The following HTR1A variants were observed in gnomAD, a reference collection of about 807,000 sequenced individuals.
HTR1A encodes 5-hydroxytryptamine receptor 1A, also known as 5-HT1a receptor.
Under a neutral mutation model 24.6 loss-of-function variants are expected in HTR1A, and 17 were observed. The observed-to-expected ratio is 0.69, with a 90% CI of 0.47 to 1.04. The LOEUF (loss-of-function observed/expected upper bound fraction) is 1.04. Among genes scored for constraint, HTR1A ranks in the 50% least tolerant of loss-of-function variants. HTR1A has a pLI of 0.00. For missense variants in HTR1A, 515 were observed against 565.1 expected (o/e 0.91, Z 0.90); for synonymous variants, 262 against 244.6 (o/e 1.07, Z -0.67).
At position 63,962,186 on chromosome 5, in the gene HTR1A, C is replaced by T. The variant is rs1262550263; in HGVS notation, c.-467G>A. 4.4e-6 allele frequency: 1 copy of T among 229,724 alleles called. No homozygotes were observed. Among genetic ancestry groups the T allele is most frequent in the Non-Finnish European group, 8.7e-6 (1 of 114,388 alleles). 14.2% of individuals were successfully genotyped at this position (229,724 alleles called of 1,614,324 possible). On this transcript the variant is annotated 5_prime_UTR_variant, in exon 1 of 1. Transcript: ENST00000323865. ...TTTCCTTCCTTCCCTCTCTCCCCCT[C>T]TCTCCTCCTCTCTTCTCTCTCTTCT...
rs745757475 is a variant in HTR1A, at chr5:63,960,804, G to A, written c.916C>T (p.Pro306Ser). The A allele has an allele frequency of 7.4e-6, 12 of 1,614,008 alleles. No individual in the cohort carries two copies. Among genetic ancestry groups the A allele is most frequent in the Non-Finnish European group, 1.0e-5 (12 of 1,179,986 alleles). The change falls in exon 1 of 1, where the codon CCT (proline) becomes TCT (serine). Residue 306 changes from proline to serine, a missense_variant. Pro to Ser is a moderately conservative substitution (Grantham distance 74, BLOSUM62 -1). Coordinates refer to ENST00000323865, the MANE Select transcript of HTR1A (RefSeq NM_000524.4). ...GTAGGACCAGCCTCGCTGGGCAGAG[G>A]CAAGTGCTCTTTGGAGTTGCCCACT... ...HRVGNSKEHL[P>S]LPSEAGPTPC...
Position 63,960,594 on chromosome 5 carries a change from G to A in HTR1A, c.1126C>T (p.His376Tyr), listed in dbSNP as rs1746407986. 1 of 1,614,112 alleles carries A rather than the reference G, an allele frequency of 6.2e-7. No homozygotes were observed. Among genetic ancestry groups the A allele is most frequent in the African/African-American group, 1.3e-5 (1 of 74,936 alleles). ...ATGGCGCCCAACAGGGTGGGCATGT[G>A]GCAGCTGCTCTCGCAGAAGGGCAGA... ...LVLPFCESSC[H>Y]MPTLLGAIIN... The change falls in exon 1 of 1, where the codon CAC (histidine) becomes TAC (tyrosine). Residue 376 changes from histidine (H) to tyrosine (Y), a missense_variant. By Grantham distance (83) the His-to-Tyr change is moderately conservative. Coordinates refer to ENST00000323865, the MANE Select transcript of HTR1A (RefSeq NM_000524.4).
At position 63,960,952 on chromosome 5, in the gene HTR1A, T is replaced by G; in HGVS notation, c.768A>C (p.Gly256=). ...GCCTCCAGTTCCTGCTCCCCGACTCTCCATTCACACTCTTCTTGGGCTGCG... is the reference window on the plus strand; with the variant it reads ...GCCTCCAGTTCCTGCTCCCCGACTCGCCATTCACACTCTTCTTGGGCTGCG... ...PAPQPKKSVN[G]ESGSRNWRLG... The change falls in exon 1 of 1, where the codon GGA becomes GGC. Residue 256 remains glycine (G), a synonymous_variant. Coordinates refer to ENST00000323865, the MANE Select transcript of HTR1A (RefSeq NM_000524.4). The G allele has an allele frequency of 6.2e-7, 1 of 1,614,144 alleles. No homozygotes were observed. Among genetic ancestry groups the G allele is most frequent in the Non-Finnish European group, 8.5e-7 (1 of 1,180,020 alleles).
rs200572880 is a variant in HTR1A, at chr5:63,961,738, G to T, written c.-19C>A. ...CATCCATGCCTGCGCGCCCGGCGCG[G>T]GAAGGGGGAGGGAAGAAAAAGCAGC... is the stretch of plus-strand genomic sequence containing the variant. On this transcript the variant is annotated 5_prime_UTR_variant, in exon 1 of 1. Transcript: ENST00000323865. The T allele has an allele frequency of 6.2e-7, 1 of 1,613,560 alleles. No homozygotes were observed. Among genetic ancestry groups the T allele is most frequent in the Non-Finnish European group, 8.5e-7 (1 of 1,179,856 alleles).
Position 63,961,700 on chromosome 5 carries a change from C to T in HTR1A, c.20G>A (p.Gly7Asp), listed in dbSNP as rs1427602417. The T allele has an allele frequency of 1.2e-6, 2 of 1,613,810 alleles. No homozygotes were observed. The highest frequency in any genetic ancestry group is 1.6e-4 in the Middle Eastern group (1 of 6,062). Residue 7 changes from glycine (G) to aspartate (D), a missense_variant, in exon 1 of 1, where the codon GGT (glycine) becomes GAT (aspartate). Transcript: ENST00000323865. The part of the protein sequence containing the change: MDVLSP[G>D]QGNNTTSPPA... ...TGGTGATGTGGTGTTGTTGCCCTGA[C>T]CAGGGCTGAGCACATCCATGCCTGC...
rs201519698 is a variant in HTR1A at position 63,961,281 on chromosome 5, T to C, written c.439A>G (p.Lys147Glu). The change falls in exon 1 of 1, where the codon AAG becomes GAG. Residue 147 changes from lysine to glutamate, a missense_variant. Transcript: ENST00000323865. ...GCAGCGGCGCGCCGGGGCGTCCTCT[T>C]GTTCACGTAGTCGATGGGGTCCGTG... ...AITDPIDYVN[K>E]RTPRRAAALI... 2.5e-6 allele frequency: 4 copies of C among 1,613,980 alleles called. No individual in the cohort carries two copies. The highest frequency in any genetic ancestry group is 3.4e-6 in the Non-Finnish European group (4 of 1,179,992).
In HTR1A at chr5:63,959,411, C is replaced by A. The variant is rs1005289061; in HGVS notation, c.*1040G>T. Among the ~76,000 whole-genome samples, 1 of 152,244 alleles carries A rather than the reference C, an allele frequency of 6.6e-6. No homozygotes were observed. Among genetic ancestry groups the A allele is most frequent in the Non-Finnish European group, 1.5e-5 (1 of 68,046 alleles). On this transcript the variant is annotated 3_prime_UTR_variant, in exon 1 of 1. Transcript: ENST00000323865. ...AACCCAGATCCTGTAAGTCAGCAGCCGGGAGCGCCTAGCGCGCTGCGAGAG... is the reference window on the plus strand; with the variant it reads ...AACCCAGATCCTGTAAGTCAGCAGCAGGGAGCGCCTAGCGCGCTGCGAGAG...
chr5:63,962,028 A>G lies in HTR1A; in HGVS notation c.-309T>C, dbSNP rs1746451690. 7.0e-5 allele frequency: 33 copies of G among 474,418 alleles called. 2 individuals are homozygous for G. In the South Asian group the frequency reaches 7.0e-4, roughly 10 times the overall value. 29.4% of individuals were successfully genotyped at this position (474,418 alleles called of 1,614,324 possible). ...CTGGAACGTCTGTCTGTCGCTGTCC[A>G]TTTTACTTTGCCGCTCCCGAACTGG... On this transcript the variant is annotated 5_prime_UTR_variant, in exon 1 of 1. An upstream start codon of the reference 5' UTR is lost. Transcript: ENST00000323865.
In HTR1A at chr5:63,960,113, A is replaced by G. The variant is rs900440808; in HGVS notation, c.*338T>C. On this transcript the variant is annotated 3_prime_UTR_variant, in exon 1 of 1. Transcript: ENST00000323865. ...TTGGATTTTCTGCCTTGAACTAAGC[A>G]TTAAACATCCACCGCAAAGATTTAG... Among the ~76,000 whole-genome samples, 1 of 152,230 alleles carries G rather than the reference A, an allele frequency of 6.6e-6. No individual in the cohort carries two copies. The highest frequency in any genetic ancestry group is 1.5e-5 in the Non-Finnish European group (1 of 68,038).
In HTR1A at chr5:63,961,558, A is replaced by AT. The variant is rs1455989620; in HGVS notation, c.161dup (p.Asn54LysfsTer137). On this transcript the variant is annotated frameshift_variant, in exon 1 of 1. Transcript: ENST00000323865. LOFTEE classifies it high-confidence loss of function. ...AGGCGATGGCAGCCACCACGCACGC[A>AT]TTGCCCAGCACCGCGCAGAAGATGA... is the stretch of plus-strand genomic sequence containing the variant. 3.1e-6 allele frequency: 5 copies of AT among 1,614,208 alleles called. No homozygotes were observed. Among genetic ancestry groups the AT allele is most frequent in the Non-Finnish European group, 4.2e-6 (5 of 1,180,046 alleles).
Position 63,960,962 on chromosome 5 carries a change from C to G in HTR1A, c.758G>C (p.Ser253Thr), listed in dbSNP as rs147211774. 1 of 1,614,214 alleles carries G rather than the reference C, an allele frequency of 6.2e-7. No homozygotes were observed. ...CCTGCTCCCCGACTCTCCATTCACA[C>G]TCTTCTTGGGCTGCGGGGCGGGAGA... is the stretch of plus-strand genomic sequence containing the variant. ...GASPAPQPKK[S>T]VNGESGSRNW... The change falls in exon 1 of 1, where the codon AGT becomes ACT. Residue 253 changes from serine (S) to threonine (T), a missense_variant. By Grantham distance (58) the Ser-to-Thr change is moderately conservative. Coordinates refer to ENST00000323865, the MANE Select transcript of HTR1A (RefSeq NM_000524.4).
Position 63,962,105 on chromosome 5 carries a change from A to C in HTR1A, c.-386T>G. 1 of 350,314 alleles carries C rather than the reference A, an allele frequency of 2.9e-6. No homozygotes were observed. Among genetic ancestry groups the C allele is most frequent in the Non-Finnish European group, 5.5e-6 (1 of 182,914 alleles). 21.7% of individuals were successfully genotyped at this position (350,314 alleles called of 1,614,324 possible). A position where few individuals can be genotyped will look rare whatever the true frequency, so the allele number is the denominator to read the frequency against. On this transcript the variant is annotated 5_prime_UTR_variant, in exon 1 of 1. Transcript: ENST00000323865. Reference sequence around the variant, plus strand: ...GCAAACAGTCTCCAATCCCAGAAATATCTAGAACCGAGAAGCCCCATCCTC... The same window carrying C: ...GCAAACAGTCTCCAATCCCAGAAATCTCTAGAACCGAGAAGCCCCATCCTC...
chr5:63,958,540 C>T lies in HTR1A; in HGVS notation c.*1911G>A, dbSNP rs1173384239. Among the ~76,000 whole-genome samples the T allele has an allele frequency of 6.6e-6, 1 of 152,112 alleles. No individual in the cohort carries two copies. The highest frequency in any genetic ancestry group is 1.5e-5 in the Non-Finnish European group (1 of 68,028). On this transcript the variant is annotated 3_prime_UTR_variant, in exon 1 of 1. Coordinates refer to ENST00000323865, the MANE Select transcript of HTR1A (RefSeq NM_000524.4). ...TCTCAAAACAGCAAATGAAAACATTCGAAAGGTACAGCTGAAGAGAGAAAA... is the reference window on the plus strand; with the variant it reads ...TCTCAAAACAGCAAATGAAAACATTTGAAAGGTACAGCTGAAGAGAGAAAA...
In HTR1A at chr5:63,961,766, G is replaced by A; in HGVS notation, c.-47C>T. The A allele has an allele frequency of 6.3e-7, 1 of 1,599,034 alleles. No individual in the cohort carries two copies. The highest frequency in any genetic ancestry group is 8.6e-7 in the Non-Finnish European group (1 of 1,167,126). The stretch of plus-strand genomic sequence containing the variant: ...AGGGGGAGGGAAGAAAAAGCAGCGC[G>A]AAGATTCGCCTCGCCCCTTCCCCTG... On this transcript the variant is annotated 5_prime_UTR_variant, in exon 1 of 1. Coordinates refer to ENST00000323865, the MANE Select transcript of HTR1A (RefSeq NM_000524.4).
chr5:63,958,113 T>C lies in HTR1A; in HGVS notation c.*2338A>G, dbSNP rs1229193943. 1 of 152,234 alleles carries C rather than the reference T, an allele frequency of 6.6e-6. No individual in the cohort carries two copies. The highest frequency in any genetic ancestry group is 1.5e-5 in the Non-Finnish European group (1 of 68,038). 9.4% of individuals were successfully genotyped at this position (152,234 alleles called of 1,614,324 possible). A position where few individuals can be genotyped will look rare whatever the true frequency, so the allele number is the denominator to read the frequency against. On this transcript the variant is annotated 3_prime_UTR_variant, in exon 1 of 1. Coordinates refer to ENST00000323865, the MANE Select transcript of HTR1A (RefSeq NM_000524.4). ...ATGAGCAAATTTGGGGTTTGGATTA[T>C]TTTAAATATAGACTTTGTTCTTAAA...
In HTR1A at chr5:63,959,423, G is replaced by C. The variant is rs1231458105; in HGVS notation, c.*1028C>G. Among the ~76,000 whole-genome samples the C allele has an allele frequency of 1.3e-5, 2 of 152,252 alleles. No homozygotes were observed. The highest frequency in any genetic ancestry group is 4.8e-5 in the African/African-American group (2 of 41,474). ...GTAAGTCAGCAGCCGGGAGCGCCTA[G>C]CGCGCTGCGAGAGCACAGATGGCTG... On this transcript the variant is annotated 3_prime_UTR_variant, in exon 1 of 1. Transcript: ENST00000323865.
At position 63,961,753 on chromosome 5, in the gene HTR1A, G is replaced by A. The variant is rs1408693605; in HGVS notation, c.-34C>T. ...GCCCGGCGCGGGAAGGGGGAGGGAAGAAAAAGCAGCGCGAAGATTCGCCTC... is the reference window on the plus strand; with the variant it reads ...GCCCGGCGCGGGAAGGGGGAGGGAAAAAAAAGCAGCGCGAAGATTCGCCTC... On this transcript the variant is annotated 5_prime_UTR_variant, in exon 1 of 1. Coordinates refer to ENST00000323865, the MANE Select transcript of HTR1A (RefSeq NM_000524.4). The A allele has an allele frequency of 6.2e-7, 1 of 1,611,228 alleles. No individual in the cohort carries two copies. The highest frequency in any genetic ancestry group is 1.7e-5 in the Admixed American group (1 of 60,026).
In HTR1A at chr5:63,961,441, G is replaced by A. The variant is rs1417865465; in HGVS notation, c.279C>T (p.Ala93=). Residue 93 remains alanine (A), a synonymous_variant, in exon 1 of 1, where the codon GCC becomes GCT. Coordinates refer to ENST00000323865, the MANE Select transcript of HTR1A (RefSeq NM_000524.4). ...ACTTGTTGAGCACCTGATACAGCGC[G>A]GCCATGGGCAGCACCAACACCGACA... ...LMVSVLVLPM[A]ALYQVLNKWT... 1.2e-6 allele frequency: 2 copies of A among 1,613,762 alleles called. No homozygotes were observed. The highest frequency in any genetic ancestry group is 2.7e-5 in the African/African-American group (2 of 74,926).
rs1253473957 is a variant in HTR1A, at chr5:63,960,071, T to C, written c.*380A>G. On this transcript the variant is annotated 3_prime_UTR_variant, in exon 1 of 1. Transcript: ENST00000323865. ...CCTTAGTGGGCGCGGCGGCTGTGTGTACAGTTTATTTATTTTTTGGATTTT... is the reference window on the plus strand; with the variant it reads ...CCTTAGTGGGCGCGGCGGCTGTGTGCACAGTTTATTTATTTTTTGGATTTT... Among the ~76,000 whole-genome samples the C allele has an allele frequency of 2.0e-5, 3 of 152,212 alleles. No individual in the cohort carries two copies. The highest frequency in any genetic ancestry group is 4.4e-5 in the Non-Finnish European group (3 of 68,028).
Sources: gnomAD v4.1 joint callset for allele counts (sites outside exome capture counted in the v4.1 genomes callset) on GRCh38, gnomAD v4.1.1 for gene constraint, MANE v1.5 for transcripts, NCBI Gene and HGNC (gene_info 2026-07-23, HGNC 2026-07-21) for gene names.